Variants in PRR5L observed in about 807,000 individuals in gnomAD.
The protein encoded by PRR5L is proline-rich protein 5-like.
Under a neutral mutation model 36.4 loss-of-function variants are expected in PRR5L, and 21 were observed. That is an observed-to-expected ratio of 0.58 (90% CI 0.41 to 0.83). The LOEUF (loss-of-function observed/expected upper bound fraction) is 0.83. PRR5L is among the 40% of genes least tolerant of loss of function. The probability of loss-of-function intolerance (pLI) is 0.00; values close to 1 mark genes in which losing one functional copy is unlikely to be tolerated. For missense variants in PRR5L, 381 were observed against 473.3 expected (o/e 0.80, Z 1.81); for synonymous variants, 188 against 197.0 (o/e 0.95, Z 0.38).
intron 1 of PRR5L, among the ~76,000 whole-genome samples, chr11:36,315,938 C>T (rs1270894914): frequency 1.3e-5 from 2 of 152,156 alleles, no homozygotes; most frequent in Non-Finnish European, 2.9e-5. Context: ...GCTTTGGAGC[C>T]CCTCAGAATT....
chr11:36,352,978 A>C (rs1165918992), intron 1 of PRR5L, among the ~76,000 whole-genome samples: 1 of 152,136 alleles, frequency 6.6e-6, no homozygotes. Context: ...GGATGGTGTA[A>C]AAATATTTGG....
At chr11:36,383,492 A>C (rs757322971) in intron 1 of PRR5L, among the ~76,000 whole-genome samples, 1 of 152,160 alleles carries the variant, frequency 6.6e-6, no homozygotes, top group Non-Finnish European at 1.5e-5. Flanking sequence ...GATTTTCTCC[A>C]GTATTTAAAA....
At chr11:36,461,175 C>T (rs7111402) in intron 8 of PRR5L, among the ~76,000 whole-genome samples, 24,954 of 152,088 alleles carry the variant, frequency 0.16, 2,238 homozygotes, top group African/African-American at 0.19. Context: ...ATCTATATGA[C>T]CTTGGGTAAG....
intron 6 of PRR5L, among the ~76,000 whole-genome samples, chr11:36,445,229 C>G (rs116661612): frequency 0.021 from 3,158 of 152,152 alleles, 94 homozygotes; most frequent in African/African-American, 0.068. Flanking sequence ...GGGAGGGTAC[C>G]CTAATGATGT....
intron 1 of PRR5L, among the ~76,000 whole-genome samples, chr11:36,333,302 C>A (rs776220914): frequency 1.3e-5 from 2 of 152,194 alleles, no homozygotes; most frequent in South Asian, 2.1e-4. Flanking sequence ...GAAAATGACA[C>A]ACTTACTTTG....
At chr11:36,403,456 C>T (rs1343916397) in intron 3 of PRR5L, 78 bp downstream of exon 3, 3 of 1,015,714 alleles carry the variant, frequency 3.0e-6, no homozygotes, top group East Asian at 2.5e-5. Flanking sequence ...CCTTAGGAGC[C>T]TTAAGGGTTT....
intron 1 of PRR5L, among the ~76,000 whole-genome samples, chr11:36,332,118 A>T (rs72950018): frequency 6.6e-6 from 1 of 152,286 alleles, no homozygotes; most frequent in Non-Finnish European, 1.5e-5. Context: ...TTTAATTTTT[A>T]TCCCCCCTGG....
At chr11:36,400,944 A>G in intron 1 of PRR5L, 53 bp from the exon 2 acceptor site, 2 of 1,356,334 alleles carry the variant, frequency 1.5e-6, no homozygotes, top group Non-Finnish European at 1.9e-6. Flanking sequence ...AACTTCCTCT[A>G]AGAGGTGTTC....
At chr11:36,392,731 G>GAC (rs138932465) in intron 1 of PRR5L, among the ~76,000 whole-genome samples, 2 of 151,998 alleles carry the variant, frequency 1.3e-5, no homozygotes, top group Non-Finnish European at 2.9e-5. Context: ...ACAGGAGAGA[G>GAC]AGACAGAGAG....
intron 1 of PRR5L, among the ~76,000 whole-genome samples, chr11:36,391,193 A>T (rs1394313793): frequency 6.6e-6 from 1 of 152,186 alleles, no homozygotes; most frequent in Non-Finnish European, 1.5e-5. Flanking sequence ...AGTTATTATA[A>T]GCCACCCACT....
chr11:36,410,600 C>T (rs556194275), intron 3 of PRR5L, among the ~76,000 whole-genome samples: 1 of 152,368 alleles, frequency 6.6e-6, no homozygotes, highest in Admixed American at 6.5e-5. Flanking sequence ...TAGTGTGCCA[C>T]ATAACTAGGA....
At chr11:36,459,536 C>T (rs76982786) in intron 8 of PRR5L, among the ~76,000 whole-genome samples, 1 of 152,178 alleles carries the variant, frequency 6.6e-6, no homozygotes, top group African/African-American at 2.4e-5. Context: ...TGGAGGCTGC[C>T]ATCTGTGCTC....
rs1554986951 is a variant in PRR5L, at chr11:36,350,942, A to ATATT, written c.-125-50052_-125-50051insTTAT. Among the ~76,000 whole-genome samples, 94 of 29,654 alleles carry ATATT rather than the reference A, an allele frequency of 3.2e-3. 4 individuals carry two copies. Among genetic ancestry groups the ATATT allele is most frequent in the East Asian group, 0.012 (5 of 422 alleles). 19.5% of individuals were successfully genotyped at this position (29,654 alleles called of 152,430 possible). A position where few individuals can be genotyped will look rare whatever the true frequency, so the allele number is the denominator to read the frequency against. ...TATTTATATATATTTATATATTTATATATATATATTTATATATATTTATAT... is the reference window on the plus strand; with the variant it reads ...TATTTATATATATTTATATATTTATATATTTATATATATTTATATATATTTATAT... On this transcript the variant is annotated intron_variant, in intron 1 of 8. Transcript: ENST00000530639.
At chr11:36,306,868 T>C (rs4622234) in intron 1 of PRR5L, among the ~76,000 whole-genome samples, 5,463 of 142,658 alleles carry the variant, frequency 0.038, 113 homozygotes, top group Middle Eastern at 0.049. Flanking sequence ...CTCTATTTTC[T>C]CATAGTGCTA....
chr11:36,410,033 T>C (rs1183668624), intron 3 of PRR5L, among the ~76,000 whole-genome samples: 1 of 152,210 alleles, frequency 6.6e-6, no homozygotes, highest in Non-Finnish European at 1.5e-5. Flanking sequence ...ATTGCCCTTC[T>C]GAGGAGCCTA....
intron 8 of PRR5L, among the ~76,000 whole-genome samples, chr11:36,456,718 G>A (rs939973944): frequency 2.6e-5 from 4 of 152,230 alleles, no homozygotes; most frequent in African/African-American, 9.6e-5. Context: ...CATCAGTGGA[G>A]CACCTCCTTT....
At chr11:36,327,231 C>G (rs950500393) in intron 1 of PRR5L, among the ~76,000 whole-genome samples, 7 of 152,236 alleles carry the variant, frequency 4.6e-5, no homozygotes, top group Admixed American at 4.6e-4. Flanking sequence ...GAATGGACCT[C>G]TCCTCTCGGC....
At chr11:36,339,008 C>T (rs1856794059) in intron 1 of PRR5L, among the ~76,000 whole-genome samples, 1 of 152,188 alleles carries the variant, frequency 6.6e-6, no homozygotes, top group African/African-American at 2.4e-5. Flanking sequence ...TTGCTTCCTC[C>T]TCATTCTCTC....
chr11:36,408,232 A>G (rs1256483199), intron 3 of PRR5L, among the ~76,000 whole-genome samples: 1 of 151,808 alleles, frequency 6.6e-6, no homozygotes, highest in Non-Finnish European at 1.5e-5. Context: ...GTGAGCCAAG[A>G]TCGTGCCACA....
Sources: allele counts gnomAD v4.1 joint callset (sites outside exome capture counted in the v4.1 genomes callset), GRCh38; gene constraint gnomAD v4.1.1; transcripts MANE v1.5; gene names NCBI Gene and HGNC (gene_info 2026-07-23, HGNC 2026-07-21).